Variants in ACLY observed in about 807,000 individuals in gnomAD.
ACLY encodes the protein ATP-citrate synthase.
ACLY carries 41 observed loss-of-function variants against 133.0 expected under a neutral mutation model. The observed-to-expected ratio is 0.31, with a 90% CI of 0.24 to 0.40. The LOEUF (loss-of-function observed/expected upper bound fraction) is 0.40, where lower values mean the gene tolerates loss of function less well. Among genes scored for constraint, ACLY ranks in the 10% least tolerant of loss-of-function variants. The pLI, the probability that ACLY is intolerant of heterozygous loss-of-function variation, is 1.00. For synonymous variants in ACLY, 495 were observed against 549.3 expected, an observed-to-expected ratio of 0.90 and a Z score of 1.38; for missense variants, 1,046 against 1,453.8, an observed-to-expected ratio of 0.72 and a Z score of 4.56.
chr17:41,909,046 C>G lies in ACLY; in HGVS notation c.559G>C (p.Gly187Arg). 2 of 1,612,730 alleles carry G rather than the reference C, an allele frequency of 1.2e-6. No individual in the cohort carries two copies. Among genetic ancestry groups the G allele is most frequent in the Non-Finnish European group, 1.7e-6 (2 of 1,179,794 alleles). Residue 187 changes from glycine (G) to arginine (R), a missense_variant, in exon 6 of 29, where the codon GGC becomes CGC. By Grantham distance (125) the Gly-to-Arg change is moderately radical (BLOSUM62 -2). This residue lies in a region of ACLY where 227 missense variants were observed against 245.6 expected (regional missense o/e 0.92). Coordinates refer to ENST00000352035, the MANE Select transcript of ACLY (RefSeq NM_001096.3). ...AAGTCCTCGTAGAAATTGAAGAGGCCGGAGATAAAACTGGCCAGAATTCTA... is the reference window on the plus strand; with the variant it reads ...AAGTCCTCGTAGAAATTGAAGAGGCGGGAGATAAAACTGGCCAGAATTCTA... ...KKEILASFISGLFNFYEDLYF... is the reference protein window; with the variant it reads ...KKEILASFISRLFNFYEDLYF...
chr17:41,899,182 G>A (rs1352587468), intron 11 of ACLY, among the ~76,000 whole-genome samples: 5 of 152,104 alleles, frequency 3.3e-5, no homozygotes, highest in Admixed American at 3.3e-4. Flanking sequence ...GGCTCAGGCA[G>A]GAGGATCCCT....
chr17:41,869,227 A>T (rs561555472), intron 26 of ACLY, 102 bp from the exon 27 acceptor site: 16 of 1,136,404 alleles, frequency 1.4e-5, no homozygotes, highest in East Asian at 2.3e-5. Context: ...ACCATCATTT[A>T]AAAACCTTCT....
At position 41,871,775 on chromosome 17, in the gene ACLY, C is replaced by G; in HGVS notation, c.2851G>C (p.Asp951His). Residue 951 changes from aspartate to histidine, a missense_variant, in exon 25 of 29, where the codon GAC (aspartate) becomes CAC (histidine). This residue lies in a region of ACLY where 205 missense variants were observed against 373.3 expected (regional missense o/e 0.55). Transcript: ENST00000352035. ...AAAKMFSKAF[D>H]SGIIPMEFVN... ...AACTCCATGGGGATAATGCCACTGTCAAAGGCTTTACTGAACATCTTGGCT... is the reference window on the plus strand; with the variant it reads ...AACTCCATGGGGATAATGCCACTGTGAAAGGCTTTACTGAACATCTTGGCT... 1 of 1,614,132 alleles carries G rather than the reference C, an allele frequency of 6.2e-7. No homozygotes were observed. Among genetic ancestry groups the G allele is most frequent in the Non-Finnish European group, 8.5e-7 (1 of 1,180,014 alleles).
intron 17 of ACLY, 141 bp downstream of exon 17, chr17:41,887,458 A>T: frequency 1.5e-6 from 1 of 681,104 alleles, no homozygotes; most frequent in Non-Finnish European, 2.6e-6. Flanking sequence ...CTAAAAATGG[A>T]CAGACTGATT....
At chr17:41,928,802 G>A (rs782773005) in intron 1 of ACLY, among the ~76,000 whole-genome samples, 3 of 146,658 alleles carry the variant, frequency 2.0e-5, no homozygotes, top group Admixed American at 7.1e-5. Context: ...GCAGTGAGCC[G>A]AGATCACATC....
chr17:41,882,367 C>CAAAAAGAAAAAA (rs2048939238), intron 20 of ACLY, among the ~76,000 whole-genome samples: 1 of 40,252 alleles, frequency 2.5e-5, no homozygotes, highest in Non-Finnish European at 4.0e-5. Context: ...ACCCTGTCTC[C>CAAAAAGAAAAAA]AAAAAAAAAA....
intron 1 of ACLY, among the ~76,000 whole-genome samples, chr17:41,928,785 G>A (rs4796742): frequency 0.69 from 103,363 of 150,638 alleles, 36,939 homozygotes; most frequent in Admixed American, 0.82. Context: ...ACCGGGAGGC[G>A]GAGATTGCAG....
chr17:41,916,383 T>G (rs202131364), intron 1 of ACLY, among the ~76,000 whole-genome samples: 1,791 of 110,420 alleles, frequency 0.016, 27 homozygotes, highest in African/African-American at 0.038. Context: ...GTTTTGTTTT[T>G]TTTTTTTTGA....
intron 2 of ACLY, among the ~76,000 whole-genome samples, 159 bp from the exon 3 acceptor site, chr17:41,912,701 C>T (rs953248021): frequency 6.6e-6 from 1 of 152,194 alleles, no homozygotes; most frequent in African/African-American, 2.4e-5. Flanking sequence ...ATGCTTCCTC[C>T]ACCTACCCTA....
intron 16 of ACLY, among the ~76,000 whole-genome samples, chr17:41,890,688 C>CAA (rs1334593064): frequency 8.4e-5 from 12 of 143,046 alleles, no homozygotes; most frequent in African/African-American, 2.6e-4. Flanking sequence ...AACTCTGTCT[C>CAA]AAAAAAAAAA....
At chr17:41,868,923 T>C in intron 27 of ACLY, 120 bp downstream of exon 27, 1 of 1,351,020 alleles carries the variant, frequency 7.4e-7, no homozygotes, top group Non-Finnish European at 1.0e-6. Flanking sequence ...TTTGTTTTCT[T>C]CTTTATACCT....
chr17:41,890,490 C>G (rs1297589487), intron 16 of ACLY, among the ~76,000 whole-genome samples: 1 of 150,520 alleles, frequency 6.6e-6, no homozygotes, highest in Non-Finnish European at 1.5e-5. Context: ...CGAGACCACC[C>G]TGGCCAACAT....
intron 21 of ACLY, 46 bp from the exon 22 acceptor site, chr17:41,878,242 T>G: frequency 2.8e-6 from 4 of 1,411,616 alleles, no homozygotes; most frequent in Non-Finnish European, 3.8e-6. Flanking sequence ...TTTCTTATTT[T>G]GGGCTCCTGT....
intron 10 of ACLY, among the ~76,000 whole-genome samples, chr17:41,903,267 C>T (rs1294202238): frequency 6.6e-6 from 1 of 152,120 alleles, no homozygotes; most frequent in African/African-American, 2.4e-5. Flanking sequence ...AAAGGGATGA[C>T]TCTTGAGACA....
In ACLY at chr17:41,873,978, G is replaced by A. The variant is rs1555625562; in HGVS notation, c.2488-13C>T. On this transcript the variant is annotated splice_polypyrimidine_tract_variant and intron_variant, in intron 22 of 28. Coordinates refer to ENST00000352035, the MANE Select transcript of ACLY (RefSeq NM_001096.3). ...TCAAACCAAGCTCCTGGGCAGAGAT[G>A]GGGAAGAGGGAAGCAGGGCCCTGGT... 2.5e-6 allele frequency: 4 copies of A among 1,581,390 alleles called. No individual in the cohort carries two copies. In the African/African-American group the frequency reaches 5.4e-5, roughly 21 times the overall value.
At chr17:41,905,446 C>T (rs1555632432) in intron 9 of ACLY, 76 bp downstream of exon 9, 19 of 1,590,292 alleles carry the variant, frequency 1.2e-5, no homozygotes, top group African/African-American at 4.0e-5. Flanking sequence ...ACTCCTCAGA[C>T]GAAGCTGTCC....
At chr17:41,920,592 A>AAAG (rs1165936786), upstream of ACLY, among the ~76,000 whole-genome samples, 1 of 18,840 alleles carries the variant, frequency 5.3e-5, no homozygotes, top group African/African-American at 8.9e-5. Flanking sequence ...TTCTATCTCA[A>AAAG]AAAAAAAAAA....
chr17:41,873,146 A>T (rs2048641216), intron 23 of ACLY, among the ~76,000 whole-genome samples: 2 of 151,988 alleles, frequency 1.3e-5, no homozygotes, highest in Admixed American at 6.6e-5. Context: ...CTGATGGGAG[A>T]AACAAATTTG....
rs34078258 is a variant in ACLY at position 41,882,367 on chromosome 17, CAAAAAAAAAAAAAAAA to C, written c.2265+739_2265+754del. On this transcript the variant is annotated intron_variant, in intron 20 of 28. Coordinates refer to ENST00000352035, the MANE Select transcript of ACLY (RefSeq NM_001096.3). ...GGGCGACAGAGTGAGACCCTGTCTC[CAAAAAAAAAAAAAAAA>C]AAAAAAAAAAAAAAGTTGTTTCCAG... Among the ~76,000 whole-genome samples, 108 of 40,264 alleles carry C rather than the reference CAAAAAAAAAAAAAAAA, an allele frequency of 2.7e-3. 2 individuals are homozygous for C. The highest frequency in any genetic ancestry group is 0.01 in the African/African-American group (98 of 9,396). The allele number at this position is 40,264 out of a possible 152,430, so 26.4% of individuals were successfully genotyped here. A position where few individuals can be genotyped will look rare whatever the true frequency, so the allele number is the denominator to read the frequency against.
Sources: allele counts gnomAD v4.1 joint callset (sites outside exome capture counted in the v4.1 genomes callset), GRCh38; gene constraint gnomAD v4.1.1; regional missense constraint gnomAD v4.1.1; transcripts MANE v1.5; gene names NCBI Gene and HGNC (gene_info 2026-07-23, HGNC 2026-07-21).